The following CBFB variants were observed in gnomAD, a reference collection of about 807,000 sequenced individuals.
CBFB encodes core-binding factor subunit beta, also known as CBF-beta.
Under a neutral mutation model 30.4 loss-of-function variants are expected in CBFB, and 9 were observed. The observed-to-expected ratio is 0.30, with a 90% CI of 0.18 to 0.52. The LOEUF is 0.52. Among genes scored for constraint, CBFB ranks in the 20% least tolerant of loss-of-function variants. The pLI is 0.97. For missense variants in CBFB, 170 were observed against 244.0 expected (o/e 0.70, Z 2.02); for synonymous variants, 94 against 84.0 (o/e 1.12, Z -0.65).
At chr16:67,062,467 G>C (rs1487204174) in intron 3 of CBFB, among the ~76,000 whole-genome samples, 1 of 151,076 alleles carries the variant, frequency 6.6e-6, no homozygotes, top group Non-Finnish European at 1.5e-5. Context: ...ACCGTGCCCA[G>C]CCAGGAAAAT....
At chr16:67,073,458 CAT>C (rs1316580220) in intron 4 of CBFB, among the ~76,000 whole-genome samples, 5 of 152,080 alleles carry the variant, frequency 3.3e-5, no homozygotes, top group South Asian at 2.1e-4. Flanking sequence ...AAACAGAAGA[CAT>C]GTGACCAGAT....
chr16:67,080,554 T>C (rs78152145), intron 4 of CBFB, among the ~76,000 whole-genome samples: 16,042 of 152,190 alleles, frequency 0.11, 1,610 homozygotes, highest in African/African-American at 0.26. Context: ...CCTTTTTAGA[T>C]GCAATGAGTC....
intron 5 of CBFB, among the ~76,000 whole-genome samples, chr16:67,096,020 T>A (rs1036766639): frequency 6.6e-6 from 1 of 151,116 alleles, no homozygotes; most frequent in Non-Finnish European, 1.5e-5. Flanking sequence ...ACAAAATGAG[T>A]TAATTCAGCT....
rs894210908 is a variant in CBFB, at chr16:67,099,016, A to T, written c.*238A>T. 1 of 401,924 alleles carries T rather than the reference A, an allele frequency of 2.5e-6. No individual in the cohort carries two copies. The highest frequency in any genetic ancestry group is 4.3e-5 in the Admixed American group (1 of 23,040). 24.9% of individuals were successfully genotyped at this position (401,924 alleles called of 1,614,324 possible). ...ATAATTTGAAGTTTTTTTTCTATGC[A>T]AGCTTACCTTGTTGGCATTATTTTA... On this transcript the variant is annotated 3_prime_UTR_variant, in exon 6 of 6. Coordinates refer to ENST00000412916, the MANE Select transcript of CBFB (RefSeq NM_022845.3).
chr16:67,050,226 A>T (rs139745827), intron 3 of CBFB, among the ~76,000 whole-genome samples: 1 of 147,764 alleles, frequency 6.8e-6, no homozygotes, highest in Admixed American at 6.8e-5. Flanking sequence ...TATATATCAC[A>T]TATTTATATG....
At chr16:67,057,261 G>A (rs1323081107) in intron 3 of CBFB, among the ~76,000 whole-genome samples, 1 of 152,196 alleles carries the variant, frequency 6.6e-6, no homozygotes. Context: ...TGGATTACAG[G>A]CGTGAGCCAC....
Position 67,029,371 on chromosome 16 carries a change from C to T in CBFB, c.-37C>T. ...AGCCAGCGGGTGCCCGCGCAAGCCC[C>T]GAGCGCGGCCGGCCGGCGCGGCCTC... is the stretch of plus-strand genomic sequence containing the variant. On this transcript the variant is annotated 5_prime_UTR_variant, in exon 1 of 6. Transcript: ENST00000412916. The T allele has an allele frequency of 2.1e-6, 3 of 1,459,712 alleles. No homozygotes were observed. The highest frequency in any genetic ancestry group is 1.8e-6 in the Non-Finnish European group (2 of 1,098,940). The allele number at this position is 1,459,712 out of a possible 1,614,324, so 90.4% of individuals were successfully genotyped here.
chr16:67,075,415 T>C (rs2145762195), intron 4 of CBFB, among the ~76,000 whole-genome samples: 1 of 152,274 alleles, frequency 6.6e-6, no homozygotes, highest in South Asian at 2.1e-4. Flanking sequence ...TACCACACAG[T>C]CATCAGAATG....
intron 3 of CBFB, among the ~76,000 whole-genome samples, chr16:67,062,733 C>T (rs1421030085): frequency 5.3e-5 from 8 of 151,856 alleles, no homozygotes; most frequent in Admixed American, 5.2e-4. Context: ...GCAGAGGTTG[C>T]AGTGAGCCAA....
chr16:67,029,780 C>T lies in CBFB; in HGVS notation c.132C>T (p.Phe44=), dbSNP rs767017207. ...CCCACGAGGAACGCCAGGCACGCTT[C>T]CAGAACGCCTGCCGCGACGGCCGCT... ...DRPHEERQAR[F]QNACRDGRSE... Residue 44 remains phenylalanine, a synonymous_variant, in exon 2 of 6, where the codon TTC becomes TTT. Transcript: ENST00000412916. 3 of 1,592,874 alleles carry T rather than the reference C, an allele frequency of 1.9e-6. No homozygotes were observed. The highest frequency in any genetic ancestry group is 1.7e-6 in the Non-Finnish European group (2 of 1,171,742).
At position 67,100,936 on chromosome 16, in the gene CBFB, C is replaced by T. The variant is rs1354128363; in HGVS notation, c.*2158C>T. 2.6e-5 allele frequency: 5 copies of T among 191,252 alleles called. No homozygotes were observed. In the East Asian group the frequency reaches 3.3e-4, roughly 13 times the overall value. The allele number at this position is 191,252 out of a possible 1,614,324, so 11.8% of individuals were successfully genotyped here. On this transcript the variant is annotated 3_prime_UTR_variant, in exon 6 of 6. Transcript: ENST00000412916. The stretch of plus-strand genomic sequence containing the variant: ...AAACAAAATTACATCATTGCATCAT[C>T]TTTTCTAAATTCATCTCCATTAAAA...
At chr16:67,074,602 C>G (rs1391358292) in intron 4 of CBFB, among the ~76,000 whole-genome samples, 1 of 151,968 alleles carries the variant, frequency 6.6e-6, no homozygotes, top group East Asian at 1.9e-4. Context: ...ACGCTGGTCT[C>G]GATCTCTTGA....
chr16:67,046,097 C>G (rs1567607753), intron 3 of CBFB, among the ~76,000 whole-genome samples: 1 of 151,130 alleles, frequency 6.6e-6, no homozygotes, highest in African/African-American at 2.4e-5. Context: ...CTGTGCCTGG[C>G]CTTTTTTGTT....
intron 3 of CBFB, among the ~76,000 whole-genome samples, chr16:67,041,824 G>A (rs1408779327): frequency 1.3e-5 from 2 of 148,398 alleles, no homozygotes; most frequent in Non-Finnish European, 3.0e-5. Context: ...ACCCAGGCTG[G>A]AGTGCAGTGG....
At chr16:67,054,492 G>T (rs1960654683) in intron 3 of CBFB, among the ~76,000 whole-genome samples, 1 of 152,106 alleles carries the variant, frequency 6.6e-6, no homozygotes, top group Admixed American at 6.5e-5. Context: ...CAGGGTACTT[G>T]CCAGCCCTTT....
rs371039299 is a variant in CBFB, at chr16:67,061,344, T to C, written c.283-5338T>C. 2.6e-5 allele frequency among the ~76,000 whole-genome samples: 4 copies of C among 152,376 alleles called. No homozygotes were observed. In the East Asian group the frequency reaches 7.7e-4, roughly 29 times the overall value. The stretch of plus-strand genomic sequence containing the variant: ...TCTGTTTACCCATTTTAAATCAATT[T>C]TGTATAAAATATTTCATTGTTCTAG... On this transcript the variant is annotated intron_variant, in intron 3 of 5. Coordinates refer to ENST00000412916, the MANE Select transcript of CBFB (RefSeq NM_022845.3).
At chr16:67,053,020 AAAG>A (rs1463554002) in intron 3 of CBFB, among the ~76,000 whole-genome samples, 8 of 151,728 alleles carry the variant, frequency 5.3e-5, no homozygotes, top group Non-Finnish European at 1.0e-4. Flanking sequence ...AAAAAAAAAA[AAAG>A]AAAAAAAGAG....
At chr16:67,040,910 G>A (rs1407327010) in intron 3 of CBFB, among the ~76,000 whole-genome samples, 1 of 152,270 alleles carries the variant, frequency 6.6e-6, no homozygotes, top group African/African-American at 2.4e-5. Flanking sequence ...AAAGGAAACA[G>A]CCATTATAAA....
chr16:67,042,144 G>A (rs965409454), intron 3 of CBFB, among the ~76,000 whole-genome samples: 7 of 151,872 alleles, frequency 4.6e-5, no homozygotes, highest in African/African-American at 1.5e-4. Flanking sequence ...GGTTGGTCTC[G>A]ACCTCCTGAC....
Sources: allele counts gnomAD v4.1 joint callset (sites outside exome capture counted in the v4.1 genomes callset), GRCh38; gene constraint gnomAD v4.1.1; transcripts MANE v1.5; gene names NCBI Gene and HGNC (gene_info 2026-07-23, HGNC 2026-07-21).